The following EXOC4 variants were observed in gnomAD, a reference collection of about 807,000 sequenced individuals.
EXOC4 encodes SEC8-like 1.
A neutral mutation model predicts 107.2 loss-of-function variants in EXOC4; 71 were observed. That is an observed-to-expected ratio of 0.66 (90% CI 0.55 to 0.81). The LOEUF is 0.81. EXOC4 is among the 30% of genes least tolerant of loss of function. EXOC4 has a pLI of 0.00. For missense variants in EXOC4, 1,108 were observed against 1,189.6 expected (o/e 0.93, Z 1.01); for synonymous variants, 456 against 441.2 (o/e 1.03, Z -0.42).
chr7:133,618,220 G>A (rs1255134236), intron 9 of EXOC4, among the ~76,000 whole-genome samples: 2 of 150,612 alleles, frequency 1.3e-5, no homozygotes, highest in Admixed American at 1.3e-4. Flanking sequence ...TAATATTCTA[G>A]TTATATATAT....
At chr7:134,032,672 C>G (rs1477964724) in intron 17 of EXOC4, among the ~76,000 whole-genome samples, 1 of 152,160 alleles carries the variant, frequency 6.6e-6, no homozygotes, top group Non-Finnish European at 1.5e-5. Context: ...TCAAAAAATT[C>G]TGTACTTTTA....
chr7:133,923,222 G>A lies in EXOC4; in HGVS notation c.2027+5484G>A, dbSNP rs1799978923. Among the ~76,000 whole-genome samples the A allele has an allele frequency of 4.0e-5, 6 of 149,556 alleles. No homozygotes were observed. The South Asian group carries it at 6.3e-4, about 16-fold the overall frequency. On this transcript the variant is annotated intron_variant, in intron 13 of 17. Coordinates refer to ENST00000253861, the MANE Select transcript of EXOC4 (RefSeq NM_021807.4). The stretch of plus-strand genomic sequence containing the variant: ...CAGCCCACTGCAACTGCCACCTTCT[G>A]GTTTCAAGAGATTCTCCTGCCTCAG...
intron 7 of EXOC4, among the ~76,000 whole-genome samples, chr7:133,385,019 G>A (rs916976999): frequency 6.6e-6 from 1 of 152,120 alleles, no homozygotes; most frequent in African/African-American, 2.4e-5. Context: ...ACTTTATTAT[G>A]TATCTGGCAC....
At chr7:133,877,487 A>G (rs1052170461) in intron 11 of EXOC4, among the ~76,000 whole-genome samples, 3 of 152,186 alleles carry the variant, frequency 2.0e-5, no homozygotes, top group African/African-American at 4.8e-5. Context: ...AGACAGGTCC[A>G]GAGTAGCTTT....
At chr7:133,696,660 T>C (rs539327176) in intron 10 of EXOC4, among the ~76,000 whole-genome samples, 1 of 152,342 alleles carries the variant, frequency 6.6e-6, no homozygotes, top group Non-Finnish European at 1.5e-5. Flanking sequence ...GTTGTTGTTG[T>C]TGATATTGAC....
At chr7:133,285,036 C>T (rs1350676147) in intron 2 of EXOC4, among the ~76,000 whole-genome samples, 1 of 151,958 alleles carries the variant, frequency 6.6e-6, no homozygotes, top group African/African-American at 2.4e-5. Context: ...TATTAACTTC[C>T]AACTATGGAA....
chr7:133,257,366 G>GCACACACA (rs35107499), intron 1 of EXOC4, among the ~76,000 whole-genome samples: 81 of 149,900 alleles, frequency 5.4e-4, no homozygotes, highest in African/African-American at 1.8e-3. Context: ...TTACACACAC[G>GCACACACA]CACACACACA....
At chr7:133,273,044 CTG>C (rs1318379255) in intron 1 of EXOC4, among the ~76,000 whole-genome samples, 2 of 152,158 alleles carry the variant, frequency 1.3e-5, no homozygotes, top group Non-Finnish European at 1.5e-5. Flanking sequence ...TTTGACAATT[CTG>C]TGACTGCTGT....
At chr7:133,596,399 G>A (rs1209176148) in intron 9 of EXOC4, among the ~76,000 whole-genome samples, 1 of 152,176 alleles carries the variant, frequency 6.6e-6, no homozygotes, top group Non-Finnish European at 1.5e-5. Flanking sequence ...TGAATTAATA[G>A]AACTACTTAA....
chr7:133,616,385 T>C (rs1802195643), intron 9 of EXOC4, among the ~76,000 whole-genome samples: 2 of 152,188 alleles, frequency 1.3e-5, no homozygotes, highest in South Asian at 2.1e-4. Context: ...AGATGCTGAT[T>C]ATAGATTACT....
At chr7:133,895,384 G>T (rs534577632) in intron 11 of EXOC4, among the ~76,000 whole-genome samples, 33 of 152,156 alleles carry the variant, frequency 2.2e-4, no homozygotes, top group African/African-American at 7.5e-4. Context: ...GAAATCACCC[G>T]TCTTCTGCGT....
intron 15 of EXOC4, among the ~76,000 whole-genome samples, chr7:134,004,401 A>G (rs563241119): frequency 1.2e-4 from 18 of 152,258 alleles, no homozygotes; most frequent in Admixed American, 1.2e-3. Flanking sequence ...TGAGGGATAG[A>G]GAGATAAAGT....
intron 17 of EXOC4, among the ~76,000 whole-genome samples, chr7:134,021,812 A>G (rs2116427535): frequency 6.6e-6 from 1 of 151,948 alleles, no homozygotes; most frequent in African/African-American, 2.4e-5. Context: ...AGGGGAAGGA[A>G]TGGATCAATT....
At position 133,286,374 on chromosome 7, in the gene EXOC4, G is replaced by A. The variant is rs563558045; in HGVS notation, c.277-2548G>A. On this transcript the variant is annotated intron_variant, in intron 2 of 17. Coordinates refer to ENST00000253861, the MANE Select transcript of EXOC4 (RefSeq NM_021807.4). ...AATAGCTTCTGTTATTTTTCCTAAG[G>A]ATGTTAATTATAGTTTAACAAAATT... Among the ~76,000 whole-genome samples, 14 of 152,214 alleles carry A rather than the reference G, an allele frequency of 9.2e-5. No homozygotes were observed. In the East Asian group the frequency reaches 2.3e-3, roughly 25 times the overall value.
At chr7:134,026,396 T>C (rs1383381681) in intron 17 of EXOC4, among the ~76,000 whole-genome samples, 4 of 151,730 alleles carry the variant, frequency 2.6e-5, no homozygotes, top group African/African-American at 4.8e-5. Context: ...CCCAGAGGAA[T>C]GCAGCATTCT....
chr7:134,030,329 A>G (rs1252386782), intron 17 of EXOC4, among the ~76,000 whole-genome samples: 1 of 152,224 alleles, frequency 6.6e-6, no homozygotes, highest in African/African-American at 2.4e-5. Flanking sequence ...GAAACAACTC[A>G]TATGTCCATC....
intron 11 of EXOC4, among the ~76,000 whole-genome samples, chr7:133,879,452 A>G (rs1798918918): frequency 6.6e-6 from 1 of 152,210 alleles, no homozygotes; most frequent in Non-Finnish European, 1.5e-5. Flanking sequence ...TCCTTAAAAT[A>G]GGACTTTTTG....
At chr7:133,845,062 G>A (rs1585193188) in intron 11 of EXOC4, among the ~76,000 whole-genome samples, 1 of 152,070 alleles carries the variant, frequency 6.6e-6, no homozygotes, top group East Asian at 1.9e-4. Context: ...TACATCCTGG[G>A]AACTTTGGGT....
chr7:133,310,510 G>A (rs1041748930), intron 4 of EXOC4, among the ~76,000 whole-genome samples: 2 of 152,188 alleles, frequency 1.3e-5, no homozygotes, highest in Non-Finnish European at 2.9e-5. Flanking sequence ...ATCAGTCTGG[G>A]TAACTAAAAC....
Sources: gnomAD v4.1 joint callset for allele counts (sites outside exome capture counted in the v4.1 genomes callset) on GRCh38, gnomAD v4.1.1 for gene constraint, MANE v1.5 for transcripts, NCBI Gene and HGNC (gene_info 2026-07-23, HGNC 2026-07-21) for gene names.